Variants in SPIDR observed in about 807,000 individuals in gnomAD.
SPIDR encodes scaffold protein involved in DNA repair.
In SPIDR, 93 loss-of-function variants were observed where a neutral mutation model predicts 104.6. The ratio of observed to expected loss-of-function variants is 0.89; its 90% confidence interval spans 0.75 to 1.06. The LOEUF (loss-of-function observed/expected upper bound fraction) is 1.06, where lower values mean the gene tolerates loss of function less well. Ranked by LOEUF, SPIDR falls within the 50% of genes least tolerant of loss-of-function variation. The pLI is 0.00. For missense variants in SPIDR, 1,154 were observed against 1,111.2 expected, an observed-to-expected ratio of 1.04 and a Z score of -0.55; for synonymous variants, 431 against 416.9, an observed-to-expected ratio of 1.03 and a Z score of -0.41.
chr8:47,358,789 T>C (rs1434438037), intron 5 of SPIDR, among the ~76,000 whole-genome samples: 3 of 152,256 alleles, frequency 2.0e-5, no homozygotes, highest in Non-Finnish European at 4.4e-5. Flanking sequence ...TTATGGGCTT[T>C]AGTCCTGCCC....
chr8:47,338,343 A>G (rs2050138893), intron 5 of SPIDR, among the ~76,000 whole-genome samples: 1 of 152,244 alleles, frequency 6.6e-6, no homozygotes, highest in South Asian at 2.1e-4. Flanking sequence ...GAAATTGTCA[A>G]ATGAAACACA....
At chr8:47,699,816 A>G (rs539926274) in intron 11 of SPIDR, among the ~76,000 whole-genome samples, 2 of 152,330 alleles carry the variant, frequency 1.3e-5, no homozygotes, top group South Asian at 2.1e-4. Context: ...CAGCCTCCCA[A>G]AGTGCTGGGA....
rs570360512 is a variant in SPIDR, at chr8:47,504,878, G to A, written c.1097+64336G>A. Among the ~76,000 whole-genome samples the A allele has an allele frequency of 8.4e-4, 128 of 152,338 alleles. 1 individual carries two copies. Among genetic ancestry groups the A allele is most frequent in the Non-Finnish European group, 9.3e-4 (63 of 68,034 alleles). On this transcript the variant is annotated intron_variant, in intron 8 of 19. Transcript: ENST00000297423. ...CAGGACCCTCAGCTGCAGGTCTGTT[G>A]GAGTTTGCCGGAGGTCCACTCCAGA...
At chr8:47,571,725 A>T (rs1026268369) in intron 8 of SPIDR, among the ~76,000 whole-genome samples, 2 of 152,244 alleles carry the variant, frequency 1.3e-5, no homozygotes, top group African/African-American at 4.8e-5. Context: ...CTATGCATAC[A>T]TACCTGTGAT....
intron 11 of SPIDR, among the ~76,000 whole-genome samples, chr8:47,699,027 T>C (rs1358926454): frequency 1.3e-5 from 2 of 152,230 alleles, no homozygotes; most frequent in East Asian, 3.8e-4. Flanking sequence ...CTATACTGTA[T>C]AAAGAAATTT....
chr8:47,386,892 A>G (rs200780232), intron 5 of SPIDR, among the ~76,000 whole-genome samples: 26 of 70,672 alleles, frequency 3.7e-4, no homozygotes, highest in African/African-American at 1.3e-3. Flanking sequence ...GAGAGAGAGA[A>G]AGAGAGAGAG....
chr8:47,640,537 GT>G (rs900687475), intron 10 of SPIDR, among the ~76,000 whole-genome samples: 18 of 152,232 alleles, frequency 1.2e-4, no homozygotes, highest in African/African-American at 4.3e-4. Context: ...AAAATGTTTT[GT>G]CCTTTAACTT....
intron 1 of SPIDR, among the ~76,000 whole-genome samples, chr8:47,264,507 C>G (rs2033429405): frequency 6.6e-6 from 1 of 152,092 alleles, no homozygotes; most frequent in African/African-American, 2.4e-5. Flanking sequence ...TGCCCTAGCC[C>G]CTCACTATCC....
At chr8:47,407,478 C>T (rs1554668060) in intron 6 of SPIDR, among the ~76,000 whole-genome samples, 1 of 152,138 alleles carries the variant, frequency 6.6e-6, no homozygotes, top group Non-Finnish European at 1.5e-5. Context: ...TCCTTGTGTC[C>T]CTGGTACCTA....
intron 10 of SPIDR, among the ~76,000 whole-genome samples, chr8:47,647,616 A>AGAG (rs2070674174): frequency 1.7e-5 from 1 of 60,456 alleles, no homozygotes; most frequent in Non-Finnish European, 3.5e-5. Context: ...TCCATCTCGA[A>AGAG]AGAGAGAGAG....
chr8:47,439,463 G>A (rs538117543), intron 7 of SPIDR, among the ~76,000 whole-genome samples: 4 of 152,088 alleles, frequency 2.6e-5, no homozygotes, highest in South Asian at 2.1e-4. Flanking sequence ...TTTAAGTGCC[G>A]TACAGTGTTC....
At chr8:47,572,113 A>T (rs1189116354) in intron 8 of SPIDR, among the ~76,000 whole-genome samples, 3 of 152,160 alleles carry the variant, frequency 2.0e-5, no homozygotes, top group Non-Finnish European at 4.4e-5. Context: ...ATAGTGTAAT[A>T]TTTGATATAA....
intron 5 of SPIDR, among the ~76,000 whole-genome samples, chr8:47,392,328 C>T (rs1196965075): frequency 6.6e-6 from 1 of 152,162 alleles, no homozygotes; most frequent in Non-Finnish European, 1.5e-5. Flanking sequence ...TTCTAGGCTA[C>T]TACCACTCCA....
rs553358714 is a variant in SPIDR, at chr8:47,518,966, T to C, written c.1098-76845T>C. 5.3e-5 allele frequency among the ~76,000 whole-genome samples: 8 copies of C among 152,244 alleles called. No individual in the cohort carries two copies. In the East Asian group the frequency reaches 1.5e-3, roughly 29 times the overall value. On this transcript the variant is annotated intron_variant, in intron 8 of 19. Transcript: ENST00000297423. ...CTTATGCTACTTTTAAAGTCTTACG[T>C]TAGCAAAATGAAGAAATGTGAATAA...
intron 2 of SPIDR, among the ~76,000 whole-genome samples, chr8:47,281,923 T>A (rs1586285672): frequency 6.6e-6 from 1 of 152,216 alleles, no homozygotes; most frequent in African/African-American, 2.4e-5. Context: ...ATAATAAGAT[T>A]TGAAAGTCAG....
chr8:47,411,230 G>A (rs1216718571), intron 7 of SPIDR, among the ~76,000 whole-genome samples: 3 of 152,146 alleles, frequency 2.0e-5, no homozygotes, highest in African/African-American at 2.4e-5. Context: ...CTGAGGAATC[G>A]CCACACTGAC....
At chr8:47,314,346 G>T (rs782696427) in intron 5 of SPIDR, among the ~76,000 whole-genome samples, 54 of 152,120 alleles carry the variant, frequency 3.5e-4, no homozygotes, top group Non-Finnish European at 6.3e-4. Context: ...ATAAAGGAAG[G>T]AACAGCAGAA....
chr8:47,570,988 A>G (rs917757786), intron 8 of SPIDR, among the ~76,000 whole-genome samples: 8 of 151,934 alleles, frequency 5.3e-5, no homozygotes, highest in Non-Finnish European at 1.2e-4. Context: ...CTACTCGGGA[A>G]GCTGAGACAG....
chr8:47,590,026 T>C (rs1306247567), intron 8 of SPIDR, among the ~76,000 whole-genome samples: 1 of 151,898 alleles, frequency 6.6e-6, no homozygotes, highest in African/African-American at 2.4e-5. Flanking sequence ...ATATAAAAAT[T>C]AGCCGGGACT....
Sources: gnomAD v4.1 joint callset for allele counts (sites outside exome capture counted in the v4.1 genomes callset) on GRCh38, gnomAD v4.1.1 for gene constraint, MANE v1.5 for transcripts, NCBI Gene and HGNC (gene_info 2026-07-23, HGNC 2026-07-21) for gene names.